The following NDEL1 variants were observed in gnomAD, a reference collection of about 807,000 sequenced individuals.
The protein encoded by NDEL1 is nudE neurodevelopment protein 1 like 1, also known as nuclear distribution protein nudE-like 1.
Under a neutral mutation model 45.7 loss-of-function variants are expected in NDEL1, and 9 were observed. The ratio of observed to expected loss-of-function variants is 0.20; its 90% CI spans 0.12 to 0.34. NDEL1 has a LOEUF of 0.34. Among genes scored for constraint, NDEL1 ranks in the 10% least tolerant of loss-of-function variants. The pLI is 1.00. For synonymous variants in NDEL1, 133 were observed against 158.6 expected, an observed-to-expected ratio of 0.84 and a Z score of 1.21; for missense variants, 306 against 406.2, an observed-to-expected ratio of 0.75 and a Z score of 2.12.
chr17:8,454,571 A>G (rs942056451), intron 6 of NDEL1, among the ~76,000 whole-genome samples: 2 of 152,226 alleles, frequency 1.3e-5, no homozygotes, highest in Non-Finnish European at 2.9e-5. Flanking sequence ...GTTTAAGAGT[A>G]TATGTCCTTG....
chr17:8,423,305 C>T (rs911164105), intron 1 of NDEL1, among the ~76,000 whole-genome samples: 1 of 152,102 alleles, frequency 6.6e-6, no homozygotes, highest in African/African-American at 2.4e-5. Context: ...ATTATGTTTT[C>T]AGTTAGTAGG....
intron 3 of NDEL1, 144 bp from the exon 4 acceptor site, chr17:8,446,610 G>T (rs370990529): frequency 1.9e-5 from 14 of 718,074 alleles, no homozygotes; most frequent in Non-Finnish European, 3.0e-5. Flanking sequence ...GAATGAATGT[G>T]TCATTTAGTT....
chr17:8,437,858 A>G (rs1909450654), intron 1 of NDEL1, among the ~76,000 whole-genome samples: 1 of 151,828 alleles, frequency 6.6e-6, no homozygotes, highest in Admixed American at 6.6e-5. Context: ...AAGGTCATAC[A>G]CAGTATGATA....
intron 1 of NDEL1, among the ~76,000 whole-genome samples, chr17:8,420,173 C>T (rs752150195): frequency 9.9e-5 from 15 of 152,246 alleles, no homozygotes; most frequent in East Asian, 3.9e-4. Context: ...ACCTTGGAGA[C>T]GTTGCTTAAC....
At chr17:8,427,600 C>T (rs999769787) in intron 1 of NDEL1, among the ~76,000 whole-genome samples, 12 of 152,040 alleles carry the variant, frequency 7.9e-5, no homozygotes, top group Admixed American at 3.3e-4. Flanking sequence ...TACTCGGGGG[C>T]GGGAGGCTGA....
chr17:8,437,123 GTTAA>G (rs1025446984), intron 1 of NDEL1, among the ~76,000 whole-genome samples: 2 of 152,226 alleles, frequency 1.3e-5, no homozygotes, highest in African/African-American at 4.8e-5. Flanking sequence ...GGAGTTGCTG[GTTAA>G]TTGCTTTGCT....
At chr17:8,454,354 A>G (rs907005862) in intron 6 of NDEL1, among the ~76,000 whole-genome samples, 2 of 152,142 alleles carry the variant, frequency 1.3e-5, no homozygotes, top group East Asian at 3.9e-4. Flanking sequence ...GGAAATAGAA[A>G]CTAAAAAACG....
At chr17:8,438,068 C>T (rs1360308211) in intron 1 of NDEL1, among the ~76,000 whole-genome samples, 1 of 152,160 alleles carries the variant, frequency 6.6e-6, no homozygotes, top group East Asian at 1.9e-4. Context: ...AAGCGATTCT[C>T]CTGCCTCAGC....
intron 1 of NDEL1, chr17:8,443,984 G>T: frequency 3.7e-6 from 1 of 268,146 alleles, no homozygotes; most frequent in East Asian, 8.2e-5. Flanking sequence ...GATTCTGTGG[G>T]CCCAAGTCAC....
chr17:8,419,097 G>T (rs1042010235), intron 1 of NDEL1, among the ~76,000 whole-genome samples: 1 of 151,982 alleles, frequency 6.6e-6, no homozygotes, highest in African/African-American at 2.4e-5. Context: ...CAATCCTCCT[G>T]CCTGGGGCTC....
intron 1 of NDEL1, among the ~76,000 whole-genome samples, chr17:8,414,197 G>A (rs920009477): frequency 1.1e-4 from 16 of 152,074 alleles, no homozygotes; most frequent in Middle Eastern, 3.4e-3. Context: ...ATTGGTGGGT[G>A]TTTAGGGTGT....
At chr17:8,448,831 G>A (rs1294399995) in intron 5 of NDEL1, 145 bp downstream of exon 5, 7 of 866,962 alleles carry the variant, frequency 8.1e-6, no homozygotes, top group Non-Finnish European at 1.2e-5. Flanking sequence ...TGTATATGGA[G>A]GGCTGACTTT....
chr17:8,414,284 C>T (rs1908491095), intron 1 of NDEL1, among the ~76,000 whole-genome samples: 1 of 152,120 alleles, frequency 6.6e-6, no homozygotes, highest in Admixed American at 6.6e-5. Flanking sequence ...ACTATTATTT[C>T]CTTAGAATAA....
At chr17:8,431,750 T>C (rs1909004988), upstream of NDEL1, 1 of 152,210 alleles carries the variant, frequency 6.6e-6, no homozygotes, top group South Asian at 2.1e-4. Context: ...GCAGACCAAG[T>C]GTTTAGCACA....
chr17:8,434,282 G>A (rs1463078721), upstream of NDEL1, among the ~76,000 whole-genome samples: 1 of 152,148 alleles, frequency 6.6e-6, no homozygotes, highest in Non-Finnish European at 1.5e-5. Flanking sequence ...TTAGAGTGCA[G>A]TGGTGCTCAC....
intron 1 of NDEL1, among the ~76,000 whole-genome samples, chr17:8,429,898 G>C (rs111347237): frequency 1.1e-3 from 166 of 152,224 alleles, no homozygotes; most frequent in African/African-American, 3.6e-3. Context: ...AGGGAGAGAA[G>C]TTTGGGGAGA....
At chr17:8,421,531 A>C (rs1723117973) in intron 1 of NDEL1, among the ~76,000 whole-genome samples, 1 of 151,784 alleles carries the variant, frequency 6.6e-6, no homozygotes, top group Non-Finnish European at 1.5e-5. Context: ...CAAGAAACTG[A>C]CTCTCTCCGA....
intron 1 of NDEL1, chr17:8,436,358 G>A (rs1452725735): frequency 6.4e-6 from 1 of 156,468 alleles, no homozygotes; most frequent in Non-Finnish European, 1.4e-5. Flanking sequence ...TGGCACCGTG[G>A]GCTGGGGCGC....
chr17:8,454,509 A>G (rs1158498895), intron 6 of NDEL1, among the ~76,000 whole-genome samples: 1 of 152,186 alleles, frequency 6.6e-6, no homozygotes, highest in Non-Finnish European at 1.5e-5. Context: ...ATATGTTCTG[A>G]CCCAGCAGTT....
Sources: gnomAD v4.1 joint callset for allele counts (sites outside exome capture counted in the v4.1 genomes callset) on GRCh38, gnomAD v4.1.1 for gene constraint, MANE v1.5 for transcripts, NCBI Gene and HGNC (gene_info 2026-07-23, HGNC 2026-07-21) for gene names.